CSMD1: variants seen among roughly 807,000 people sequenced by gnomAD.
The protein encoded by CSMD1 is CUB and sushi domain-containing protein 1.
CSMD1 carries 213 observed loss-of-function variants against 417.5 expected under a neutral mutation model. That is an observed-to-expected ratio of 0.51 (90% CI 0.46 to 0.57). CSMD1 has a LOEUF of 0.57. Ranked by LOEUF, CSMD1 falls within the 20% of genes least tolerant of loss-of-function variation. The probability of loss-of-function intolerance (pLI) is 0.00; values close to 1 mark genes in which losing one functional copy is unlikely to be tolerated. For synonymous variants in CSMD1, 2,862 were observed against 1,736.8 expected (o/e 1.65, Z -16.11); for missense variants, 6,923 against 4,529.7 (o/e 1.53, Z -15.17).
intron 3 of CSMD1, among the ~76,000 whole-genome samples, chr8:4,108,211 T>C (rs555366179): frequency 2.0e-5 from 3 of 152,296 alleles, no homozygotes; most frequent in East Asian, 3.9e-4. Context: ...ATCAAGCTTA[T>C]GTGAAGTCCT....
At chr8:3,254,742 G>C (rs1275751911) in intron 26 of CSMD1, among the ~76,000 whole-genome samples, 2 of 152,086 alleles carry the variant, frequency 1.3e-5, no homozygotes, top group Admixed American at 1.3e-4. Context: ...AAGGACTTCT[G>C]TGCATTGGTT....
intron 50 of CSMD1, 77 bp from the exon 51 acceptor site, chr8:3,029,590 G>C (rs1204839606): frequency 3.4e-5 from 44 of 1,300,904 alleles, no homozygotes; most frequent in African/African-American, 7.4e-5. Flanking sequence ...TGGATGGCAA[G>C]GTCTTGCTAT....
At chr8:3,897,255 G>A (rs922900887) in intron 5 of CSMD1, among the ~76,000 whole-genome samples, 15 of 152,108 alleles carry the variant, frequency 9.9e-5, no homozygotes, top group South Asian at 6.2e-4. Flanking sequence ...AGAGACAACG[G>A]TCATAGTGTG....
intron 26 of CSMD1, among the ~76,000 whole-genome samples, chr8:3,231,807 T>C (rs1798856778): frequency 6.6e-6 from 1 of 152,214 alleles, no homozygotes; most frequent in Non-Finnish European, 1.5e-5. Context: ...TAGTACTTAA[T>C]GATCACTTAA....
chr8:3,735,583 G>A (rs367754014), intron 6 of CSMD1, among the ~76,000 whole-genome samples: 1 of 152,182 alleles, frequency 6.6e-6, no homozygotes, highest in Admixed American at 6.5e-5. Context: ...ACTTGCTTCA[G>A]TGTCTGACTT....
intron 3 of CSMD1, among the ~76,000 whole-genome samples, chr8:4,191,140 T>TA (rs1799002120): frequency 6.6e-6 from 1 of 152,150 alleles, no homozygotes; most frequent in East Asian, 1.9e-4. Flanking sequence ...CTCATGCCTG[T>TA]AATCCCAGCA....
chr8:4,232,413 G>C (rs530344087), intron 3 of CSMD1, among the ~76,000 whole-genome samples: 4 of 152,242 alleles, frequency 2.6e-5, no homozygotes, highest in East Asian at 1.9e-4. Context: ...TGGCCAGCTT[G>C]GTCTTGAACT....
At chr8:3,631,020 G>C (rs187489627) in intron 7 of CSMD1, among the ~76,000 whole-genome samples, 50 of 152,274 alleles carry the variant, frequency 3.3e-4, no homozygotes, top group African/African-American at 1.2e-3. Context: ...TTGAACCCTT[G>C]AAAACGCAAT....
intron 26 of CSMD1, among the ~76,000 whole-genome samples, chr8:3,242,243 G>C (rs1214410121): frequency 6.6e-6 from 1 of 151,808 alleles, no homozygotes; most frequent in African/African-American, 2.4e-5. Flanking sequence ...GGATTATAGA[G>C]TGGAGGAACG....
intron 26 of CSMD1, among the ~76,000 whole-genome samples, chr8:3,265,340 G>T (rs1026744280): frequency 6.6e-6 from 1 of 152,154 alleles, no homozygotes; most frequent in Admixed American, 6.5e-5. Flanking sequence ...ACCTGTGCAC[G>T]CACGATATTC....
At chr8:4,494,883 T>G (rs1383044131) in intron 2 of CSMD1, among the ~76,000 whole-genome samples, 1 of 152,004 alleles carries the variant, frequency 6.6e-6, no homozygotes, top group African/African-American at 2.4e-5. Flanking sequence ...AAACAAAAGC[T>G]TAAAATTCTC....
chr8:3,834,111 T>C (rs778958341), intron 5 of CSMD1, among the ~76,000 whole-genome samples: 2 of 152,212 alleles, frequency 1.3e-5, no homozygotes, highest in Non-Finnish European at 2.9e-5. Context: ...GTTTTTGTTT[T>C]CCTTACATTT....
intron 2 of CSMD1, among the ~76,000 whole-genome samples, chr8:4,631,725 C>A (rs190322433): frequency 2.2e-4 from 33 of 152,256 alleles, no homozygotes; most frequent in African/African-American, 7.9e-4. Context: ...AACACTTATT[C>A]ATGATTTTCT....
At chr8:2,948,997 T>C (rs1802437916) in intron 68 of CSMD1, among the ~76,000 whole-genome samples, 1 of 151,914 alleles carries the variant, frequency 6.6e-6, no homozygotes. Flanking sequence ...GAACTCTTAG[T>C]TTTCTTTGGG....
chr8:4,368,334 A>G (rs1441484881), intron 3 of CSMD1, among the ~76,000 whole-genome samples: 1 of 152,194 alleles, frequency 6.6e-6, no homozygotes, highest in Non-Finnish European at 1.5e-5. Context: ...ACAGGTATAC[A>G]GCCTACTTTA....
chr8:3,599,836 G>A (rs753342191), intron 8 of CSMD1, among the ~76,000 whole-genome samples: 2 of 152,204 alleles, frequency 1.3e-5, no homozygotes, highest in South Asian at 4.1e-4. Flanking sequence ...GGGAGCAACA[G>A]ATCTGACAAA....
At position 3,337,515 on chromosome 8, in the gene CSMD1, G is replaced by C. The variant is rs189869689; in HGVS notation, c.3631+5779C>G. On this transcript the variant is annotated intron_variant, in intron 23 of 69. Transcript: ENST00000635120. ...GCAGTCTTGCCTAAACAATGAGATA[G>C]GTGTAAAGAATGACAGAGGATGTTC... is the stretch of plus-strand genomic sequence containing the variant. Among the ~76,000 whole-genome samples, 53 of 152,178 alleles carry C rather than the reference G, an allele frequency of 3.5e-4. 1 individual carries two copies. The highest frequency in any genetic ancestry group is 9.4e-4 in the African/African-American group (39 of 41,520).
chr8:4,819,086 C>G (rs970804650), intron 1 of CSMD1, among the ~76,000 whole-genome samples: 1 of 152,218 alleles, frequency 6.6e-6, no homozygotes. Flanking sequence ...ACAGCACTTG[C>G]ATGTCACTTG....
chr8:4,208,179 T>C (rs537532071), intron 3 of CSMD1, among the ~76,000 whole-genome samples: 1 of 152,244 alleles, frequency 6.6e-6, no homozygotes, highest in African/African-American at 2.4e-5. Context: ...GTGTTAGAAA[T>C]GAAAATAGAC....
Sources: gnomAD v4.1 joint callset for allele counts (sites outside exome capture counted in the v4.1 genomes callset) on GRCh38, gnomAD v4.1.1 for gene constraint, MANE v1.5 for transcripts, NCBI Gene and HGNC (gene_info 2026-07-23, HGNC 2026-07-21) for gene names.